The following ROBO2 variants were observed in gnomAD, a reference collection of about 807,000 sequenced individuals.
The protein encoded by ROBO2 is roundabout homolog 2.
Under a neutral mutation model 160.8 loss-of-function variants are expected in ROBO2, and 53 were observed. The ratio of observed to expected loss-of-function variants is 0.33; its 90% CI spans 0.26 to 0.41. ROBO2 has a LOEUF of 0.41. ROBO2 is among the 10% of genes least tolerant of loss of function. The pLI, the probability that ROBO2 is intolerant of heterozygous loss-of-function variation, is 1.00. For synonymous variants in ROBO2, 664 were observed against 611.7 expected (o/e 1.09, Z -1.26); for missense variants, 1,577 against 1,722.4 (o/e 0.92, Z 1.49).
intron 2 of ROBO2, among the ~76,000 whole-genome samples, chr3:76,012,233 G>GC (rs2066214037): frequency 6.6e-6 from 1 of 152,002 alleles, no homozygotes; most frequent in Admixed American, 6.6e-5. Flanking sequence ...CTAGAAAGTG[G>GC]CATGTTCCAG....
rs569494956 is a variant in ROBO2 at position 77,071,963 on chromosome 3, G to A, written c.62-26051G>A. On this transcript the variant is annotated intron_variant, in intron 1 of 25. Transcript: ENST00000461745. ...CCTGGGCCCCGGACCAGTACCGCTC[G>A]TGACTTGTTAGGAACTGGGCCACAC... Among the ~76,000 whole-genome samples, 22 of 152,204 alleles carry A rather than the reference G, an allele frequency of 1.4e-4. No individual in the cohort carries two copies. The South Asian group carries it at 2.7e-3, about 19-fold the overall frequency.
At chr3:76,752,140 T>C (rs951890317) in intron 2 of ROBO2, among the ~76,000 whole-genome samples, 89 of 152,198 alleles carry the variant, frequency 5.8e-4, no homozygotes, top group African/African-American at 2.0e-3. Context: ...ATGTCTTTTG[T>C]AGGGATATGG....
In ROBO2 at chr3:77,439,862, C is replaced by CAT. The variant is rs1389864134; in HGVS notation, c.389-37551_389-37550insTA. On this transcript the variant is annotated intron_variant, in intron 2 of 25. Coordinates refer to ENST00000461745, the Ensembl canonical transcript of ROBO2. Reference sequence around the variant, plus strand: ...TAACGTGTTTTAGCTCTCTTCCAGACACCTCATACATATCATACCTCATCT... The same window carrying CAT: ...TAACGTGTTTTAGCTCTCTTCCAGACATACCTCATACATATCATACCTCATCT... Among the ~76,000 whole-genome samples the CAT allele has an allele frequency of 3.3e-5, 5 of 152,074 alleles. No individual in the cohort carries two copies. In the South Asian group the frequency reaches 1.0e-3, roughly 32 times the overall value.
intron 2 of ROBO2, among the ~76,000 whole-genome samples, chr3:77,451,200 G>A (rs1268534326): frequency 6.6e-6 from 1 of 152,000 alleles, no homozygotes; most frequent in Non-Finnish European, 1.5e-5. Flanking sequence ...TCCAGTGTAA[G>A]CAAGTTTCAC....
At chr3:76,731,821 ACT>A (rs2107862067) in intron 2 of ROBO2, among the ~76,000 whole-genome samples, 1 of 152,254 alleles carries the variant, frequency 6.6e-6, no homozygotes, top group South Asian at 2.1e-4. Context: ...ATTCATGGGG[ACT>A]CTATTTTGAA....
At chr3:77,448,387 T>C (rs577584694) in intron 2 of ROBO2, among the ~76,000 whole-genome samples, 1 of 152,232 alleles carries the variant, frequency 6.6e-6, no homozygotes. Flanking sequence ...TCAGCTTCAG[T>C]AAAGATCCCT....
chr3:76,307,146 T>C (rs972294968), intron 2 of ROBO2, among the ~76,000 whole-genome samples: 11 of 152,196 alleles, frequency 7.2e-5, no homozygotes, highest in Admixed American at 6.5e-4. Context: ...GGGGACAGGC[T>C]TTCTTTCCTG....
At chr3:76,983,624 G>A (rs1012391578) in intron 2 of ROBO2, among the ~76,000 whole-genome samples, 8 of 152,062 alleles carry the variant, frequency 5.3e-5, no homozygotes, top group Admixed American at 1.3e-4. Flanking sequence ...CTGTTTGTTT[G>A]GTTAAATAGA....
chr3:76,956,227 C>A (rs1000683309), intron 2 of ROBO2, among the ~76,000 whole-genome samples: 12 of 152,050 alleles, frequency 7.9e-5, no homozygotes, highest in Non-Finnish European at 1.5e-4. Flanking sequence ...TATTTTACTA[C>A]AGAGATTTAA....
chr3:76,142,841 G>A (rs2071727481), intron 2 of ROBO2, among the ~76,000 whole-genome samples: 5 of 151,912 alleles, frequency 3.3e-5, no homozygotes, highest in Non-Finnish European at 7.4e-5. Context: ...ATGCTTGAGG[G>A]ATGAATACCT....
chr3:76,002,821 C>G (rs573404944), intron 2 of ROBO2, among the ~76,000 whole-genome samples: 41 of 152,210 alleles, frequency 2.7e-4, no homozygotes, highest in Middle Eastern at 3.4e-3. Context: ...TTGTGGCTCT[C>G]AGAAGGAGCC....
At chr3:76,196,145 C>G (rs1315313273) in intron 2 of ROBO2, among the ~76,000 whole-genome samples, 1 of 152,072 alleles carries the variant, frequency 6.6e-6, no homozygotes, top group Admixed American at 6.5e-5. Context: ...TATGAAGGAC[C>G]TGATTCTTAT....
chr3:76,493,463 G>T (rs1171907010), intron 2 of ROBO2, among the ~76,000 whole-genome samples: 3 of 150,546 alleles, frequency 2.0e-5, no homozygotes, highest in Non-Finnish European at 4.4e-5. Flanking sequence ...AATATTAAAA[G>T]ATTGCTTTAG....
chr3:76,276,491 AT>A (rs1192500252), intron 2 of ROBO2, among the ~76,000 whole-genome samples: 2 of 151,976 alleles, frequency 1.3e-5, no homozygotes, highest in South Asian at 2.1e-4. Flanking sequence ...GTTTACAGTC[AT>A]TTTTTTCTTT....
intron 2 of ROBO2, among the ~76,000 whole-genome samples, chr3:76,724,775 G>C (rs2093521758): frequency 6.6e-6 from 1 of 152,162 alleles, no homozygotes; most frequent in Admixed American, 6.6e-5. Flanking sequence ...GGTCTTTGAA[G>C]ACGTGATTCT....
At chr3:76,617,578 T>TTA (rs2088694142) in intron 2 of ROBO2, among the ~76,000 whole-genome samples, 1 of 152,118 alleles carries the variant, frequency 6.6e-6, no homozygotes, top group Non-Finnish European at 1.5e-5. Flanking sequence ...AATTTGGCAA[T>TTA]GGAAAAGGAT....
chr3:76,862,647 A>G (rs900118964), intron 2 of ROBO2, among the ~76,000 whole-genome samples: 8 of 152,034 alleles, frequency 5.3e-5, no homozygotes, highest in African/African-American at 1.9e-4. Flanking sequence ...CTCTAAGTAT[A>G]GGAGGGCACT....
intron 2 of ROBO2, among the ~76,000 whole-genome samples, chr3:76,912,192 A>G (rs933703316): frequency 2.0e-5 from 3 of 151,828 alleles, no homozygotes; most frequent in African/African-American, 7.3e-5. Flanking sequence ...GTAACAGGAA[A>G]TACTGAATTA....
chr3:77,517,695 G>A (rs1193329122), intron 5 of ROBO2, among the ~76,000 whole-genome samples: 2 of 151,506 alleles, frequency 1.3e-5, no homozygotes, highest in Admixed American at 6.6e-5. Flanking sequence ...AAATGAAAAT[G>A]TCCAGAAATA....
Sources: allele counts gnomAD v4.1 joint callset (sites outside exome capture counted in the v4.1 genomes callset), GRCh38; gene constraint gnomAD v4.1.1; transcripts MANE v1.5; gene names NCBI Gene and HGNC (gene_info 2026-07-23, HGNC 2026-07-21).